The following OVCH1 variants were observed in gnomAD, a reference collection of about 807,000 sequenced individuals.
OVCH1 encodes ovochymase-1.
A neutral mutation model predicts 138.4 loss-of-function variants in OVCH1; 139 were observed. The ratio of observed to expected loss-of-function variants is 1.00; its 90% confidence interval spans 0.87 to 1.16. The LOEUF is 1.16. Among genes scored for constraint, OVCH1 ranks in the 50% most tolerant of loss-of-function variants. OVCH1 has a pLI of 0.00. For missense variants in OVCH1, 1,367 were observed against 1,357.9 expected (o/e 1.01, Z -0.11); for synonymous variants, 453 against 467.8 (o/e 0.97, Z 0.41).
chr12:29,466,181 G>T lies in OVCH1; in HGVS notation c.1857-962C>A, dbSNP rs553674059. On this transcript the variant is annotated intron_variant, in intron 16 of 27. Coordinates refer to ENST00000318184, the Ensembl canonical transcript of OVCH1. ...TTAATGGGTGCAGCACACCAACATG[G>T]CACATGTATGCATATGTAACAAACC... is the stretch of plus-strand genomic sequence containing the variant. Among the ~76,000 whole-genome samples, 81 of 151,980 alleles carry T rather than the reference G, an allele frequency of 5.3e-4. 1 individual carries two copies. The highest frequency in any genetic ancestry group is 1.9e-3 in the African/African-American group (77 of 41,494).
At chr12:29,453,930 A>G (rs927091950) in intron 21 of OVCH1, among the ~76,000 whole-genome samples, 3 of 152,154 alleles carry the variant, frequency 2.0e-5, no homozygotes, top group South Asian at 2.1e-4. Flanking sequence ...CTAGTTCACT[A>G]TGTCATTTTC....
chr12:29,426,857 T>C (rs1941188309), downstream of OVCH1, among the ~76,000 whole-genome samples: 1 of 152,238 alleles, frequency 6.6e-6, no homozygotes, highest in Admixed American at 6.5e-5. Context: ...AATATGGTAG[T>C]CACTCGCTAC....
chr12:29,418,947 T>C (rs1397701943), intron 3 of OVCH1, among the ~76,000 whole-genome samples: 1 of 152,194 alleles, frequency 6.6e-6, no homozygotes, highest in East Asian at 1.9e-4. Context: ...AGCCTCAAAC[T>C]CTGGGCTCAC....
chr12:29,426,328 T>TA (rs1394328687), downstream of OVCH1, among the ~76,000 whole-genome samples: 1 of 152,222 alleles, frequency 6.6e-6, no homozygotes, highest in Non-Finnish European at 1.5e-5. Context: ...ATTGCTGACT[T>TA]ACATTAGTTT....
chr12:29,421,676 A>G lies in OVCH1; in HGVS notation c.*71+1451T>C, dbSNP rs978052802. 3.3e-5 allele frequency among the ~76,000 whole-genome samples: 5 copies of G among 152,302 alleles called. No individual in the cohort carries two copies. The East Asian group carries it at 7.7e-4, about 23-fold the overall frequency. ...TACAACATATATATAAAGAACACAT[A>G]TAAGGAAAATTTCCAGCACTGTGTT... On this transcript the variant is annotated intron_variant and NMD_transcript_variant, in intron 3 of 4. Coordinates refer to the OVCH1 transcript ENST00000539117.
chr12:29,420,060 G>T (rs1202077628), intron 3 of OVCH1, among the ~76,000 whole-genome samples: 2 of 152,138 alleles, frequency 1.3e-5, no homozygotes, highest in Non-Finnish European at 2.9e-5. Context: ...TTAATCATTT[G>T]GCTATGGGAC....
chr12:29,409,440 C>T (rs1310573374), downstream of OVCH1, among the ~76,000 whole-genome samples: 1 of 151,790 alleles, frequency 6.6e-6, no homozygotes, highest in Non-Finnish European at 1.5e-5. Context: ...CTCTTGTGGG[C>T]ATTTAGTGCT....
exon 19 of OVCH1, chr12:29,461,915 C>A: frequency 1.9e-6 from 3 of 1,613,826 alleles, no homozygotes; most frequent in Non-Finnish European, 2.5e-6. Context: ...CTCTGTGATC[C>A]CTCCTGGATG....
intron 3 of OVCH1, among the ~76,000 whole-genome samples, chr12:29,414,952 C>A (rs1941013079): frequency 1.3e-5 from 2 of 152,010 alleles, no homozygotes; most frequent in African/African-American, 2.4e-5. Flanking sequence ...ATTATTACAA[C>A]TACTTAAATA....
chr12:29,488,112 A>G (rs763709077), intron 6 of OVCH1, among the ~76,000 whole-genome samples: 8 of 152,042 alleles, frequency 5.3e-5, no homozygotes, highest in Middle Eastern at 3.4e-3. Context: ...ATTGGCTGCA[A>G]TCTTGTCAGG....
At chr12:29,440,706 C>A (rs1244176201) in intron 25 of OVCH1, 2 of 455,722 alleles carry the variant, frequency 4.4e-6, no homozygotes, top group African/African-American at 4.0e-5. Flanking sequence ...GCTGAATTGG[C>A]TTAGGAACCA....
At chr12:29,456,019 A>G (rs940604897) in intron 19 of OVCH1, among the ~76,000 whole-genome samples, 4 of 152,176 alleles carry the variant, frequency 2.6e-5, no homozygotes, top group African/African-American at 9.7e-5. Flanking sequence ...ACTTAAATCT[A>G]TTAAAATGTA....
chr12:29,442,218 A>T (rs2135921735), intron 25 of OVCH1, among the ~76,000 whole-genome samples: 1 of 152,248 alleles, frequency 6.6e-6, no homozygotes, highest in East Asian at 1.9e-4. Context: ...ACTTGGAACC[A>T]AGCCAAATGT....
downstream of OVCH1, among the ~76,000 whole-genome samples, chr12:29,410,040 T>A (rs1266216671): frequency 2.0e-5 from 3 of 152,218 alleles, no homozygotes; most frequent in Non-Finnish European, 4.4e-5. Context: ...TCTTGTTGAA[T>A]TGATCCCTTT....
intron 1 of OVCH1, 48 bp downstream of exon 1, chr12:29,497,575 C>A: frequency 6.2e-7 from 1 of 1,605,448 alleles, no homozygotes; most frequent in Non-Finnish European, 8.5e-7. Flanking sequence ...CCCTCTCCAG[C>A]ACGCTCAGCC....
intron 19 of OVCH1, among the ~76,000 whole-genome samples, chr12:29,457,994 A>G (rs1294340881): frequency 1.3e-5 from 2 of 152,202 alleles, no homozygotes; most frequent in Non-Finnish European, 2.9e-5. Context: ...GCTCTAAGGC[A>G]AGATATGGTC....
At chr12:29,459,521 T>TA (rs1427816849) in intron 19 of OVCH1, among the ~76,000 whole-genome samples, 2 of 152,098 alleles carry the variant, frequency 1.3e-5, no homozygotes, top group Non-Finnish European at 2.9e-5. Flanking sequence ...GAAGTGGGAA[T>TA]AATTAATGGG....
At chr12:29,402,264 T>C in the OVCH1 span, among the ~76,000 whole-genome samples, 2 of 152,172 alleles carry the variant, frequency 1.3e-5, no homozygotes, top group Admixed American at 1.3e-4. Flanking sequence ...CAAAACAGAT[T>C]AACATGAGAA....
intron 3 of OVCH1, among the ~76,000 whole-genome samples, chr12:29,421,339 A>C (rs902229301): frequency 2.2e-4 from 34 of 152,342 alleles, no homozygotes; most frequent in African/African-American, 7.7e-4. Flanking sequence ...CATTATATAA[A>C]AGTAATTATA....
Sources: gnomAD v4.1 joint callset for allele counts (sites outside exome capture counted in the v4.1 genomes callset) on GRCh38, gnomAD v4.1.1 for gene constraint, MANE v1.5 for transcripts, NCBI Gene and HGNC (gene_info 2026-07-23, HGNC 2026-07-21) for gene names.